The following MCTP2 variants were observed in gnomAD, a reference collection of about 807,000 sequenced individuals.
MCTP2 encodes multiple C2 and transmembrane domain containing 2, also known as multiple C2 and transmembrane domain-containing protein 2.
In MCTP2, 132 loss-of-function variants were observed where a neutral mutation model predicts 111.6. The observed-to-expected ratio is 1.18, with a 90% confidence interval of 1.03 to 1.37. The LOEUF is 1.37. Ranked by LOEUF, MCTP2 falls within the 40% of genes most tolerant of loss-of-function variation. The pLI, the probability that MCTP2 is intolerant of heterozygous loss-of-function variation, is 0.00. For synonymous variants in MCTP2, 395 were observed against 387.7 expected, an observed-to-expected ratio of 1.02 and a Z score of -0.22; for missense variants, 1,183 against 1,067.9, an observed-to-expected ratio of 1.11 and a Z score of -1.50.
chr15:94,476,888 A>G, intron 22 of MCTP2, 95 bp downstream of exon 22: 1 of 736,076 alleles, frequency 1.4e-6, no homozygotes, highest in South Asian at 1.7e-5. Flanking sequence ...TGTGTGAGTA[A>G]TTGAGATAAG....
rs373747400 is a variant in MCTP2 at position 94,339,083 on chromosome 15, G to A, written c.638-207G>A. Among the ~76,000 whole-genome samples, 172 of 152,156 alleles carry A rather than the reference G, an allele frequency of 1.1e-3. 7 individuals carry two copies. The South Asian group carries it at 0.034, about 30-fold the overall frequency. ...AAAGAAAATAAAAATTACTCAAAGA[G>A]CCCATTTATATTCTACCACTAAAGG... On this transcript the variant is annotated intron_variant, in intron 4 of 22. Coordinates refer to ENST00000357742, the MANE Select transcript of MCTP2 (RefSeq NM_001385001.1).
chr15:94,237,822 T>C (rs188196020), intron 1 of MCTP2, among the ~76,000 whole-genome samples: 1 of 152,318 alleles, frequency 6.6e-6, no homozygotes, highest in East Asian at 1.9e-4. Flanking sequence ...GGGCAGCCAC[T>C]GTAAGACTTC....
chr15:94,277,170 C>T (rs2074259441), intron 1 of MCTP2, among the ~76,000 whole-genome samples: 1 of 151,988 alleles, frequency 6.6e-6, no homozygotes, highest in African/African-American at 2.4e-5. Context: ...AATTATAATA[C>T]AATACTAATA....
At chr15:94,330,241 T>A (rs1181556134) in intron 4 of MCTP2, among the ~76,000 whole-genome samples, 1 of 152,204 alleles carries the variant, frequency 6.6e-6, no homozygotes, top group Non-Finnish European at 1.5e-5. Context: ...AATGTTATTC[T>A]TGAATTTTGG....
At chr15:94,233,171 T>A (rs1199331540) in intron 1 of MCTP2, among the ~76,000 whole-genome samples, 1 of 152,162 alleles carries the variant, frequency 6.6e-6, no homozygotes, top group Non-Finnish European at 1.5e-5. Context: ...GTTAAAGTAG[T>A]CCTCAGGAAT....
In MCTP2 at chr15:94,401,930, A is replaced by G. The variant is rs754630541; in HGVS notation, c.1996A>G (p.Arg666Gly). Residue 666 changes from arginine to glycine, a missense_variant, in exon 17 of 23, where the codon AGA becomes GGA. Coordinates refer to ENST00000357742, the MANE Select transcript of MCTP2 (RefSeq NM_001385001.1). The stretch of plus-strand genomic sequence containing the variant: ...ATCAAGAGATGTGGACCGTGTGAAA[A>G]GAATCACTATGGCAATATGGAATAC... ...ILSRDVDRVK[R>G]ITMAIWNTMQ... 5 of 1,612,912 alleles carry G rather than the reference A, an allele frequency of 3.1e-6. No homozygotes were observed. The South Asian group carries it at 5.5e-5, about 18-fold the overall frequency.
intron 17 of MCTP2, among the ~76,000 whole-genome samples, chr15:94,439,867 C>A (rs1283527289): frequency 1.3e-5 from 2 of 152,162 alleles, no homozygotes; most frequent in African/African-American, 2.4e-5. Context: ...TGGTCTCTGG[C>A]CTGCGTCTTT....
chr15:94,402,524 C>T, intron 17 of MCTP2: 1 of 1,551,686 alleles, frequency 6.4e-7, no homozygotes. Flanking sequence ...TGAAATGTAC[C>T]CTTTTCTCTG....
intron 10 of MCTP2, among the ~76,000 whole-genome samples, chr15:94,362,524 C>A (rs753723555): frequency 6.6e-6 from 1 of 152,090 alleles, no homozygotes; most frequent in Non-Finnish European, 1.5e-5. Context: ...TCTGAGGCAG[C>A]GAAAAATCTG....
At chr15:94,411,433 G>T (rs2082147942) in intron 17 of MCTP2, among the ~76,000 whole-genome samples, 1 of 152,250 alleles carries the variant, frequency 6.6e-6, no homozygotes, top group African/African-American at 2.4e-5. Flanking sequence ...CAAGCGGAGG[G>T]CCCTTTTATT....
chr15:94,308,445 C>G (rs1248262915), intron 2 of MCTP2, among the ~76,000 whole-genome samples: 1 of 152,154 alleles, frequency 6.6e-6, no homozygotes, highest in African/African-American at 2.4e-5. Context: ...TCTCCAGGGC[C>G]GAACTCTCCA....
At chr15:94,238,015 T>C (rs1297161281) in intron 1 of MCTP2, among the ~76,000 whole-genome samples, 1 of 152,098 alleles carries the variant, frequency 6.6e-6, no homozygotes, top group Admixed American at 6.6e-5. Flanking sequence ...CAAACCAATG[T>C]ATTTCTTGAA....
At chr15:94,421,276 T>C (rs1455091317) in intron 17 of MCTP2, among the ~76,000 whole-genome samples, 2 of 152,130 alleles carry the variant, frequency 1.3e-5, no homozygotes, top group Non-Finnish European at 2.9e-5. Context: ...ACCCAAAAAA[T>C]TGTGTGACTC....
chr15:94,259,172 G>A (rs2073031626), intron 1 of MCTP2, among the ~76,000 whole-genome samples: 1 of 152,148 alleles, frequency 6.6e-6, no homozygotes, highest in South Asian at 2.1e-4. Context: ...GGGATTGCAG[G>A]ACCTGAATAA....
At chr15:94,424,765 G>C (rs1052169160) in intron 17 of MCTP2, among the ~76,000 whole-genome samples, 1 of 152,088 alleles carries the variant, frequency 6.6e-6, no homozygotes, top group African/African-American at 2.4e-5. Flanking sequence ...TGTGTGAAGG[G>C]GTACTTTGGT....
intron 21 of MCTP2, among the ~76,000 whole-genome samples, chr15:94,475,275 G>A (rs893090569): frequency 8.5e-5 from 13 of 152,162 alleles, no homozygotes; most frequent in Admixed American, 2.6e-4. Context: ...TGACTTGAGG[G>A]AAAGGCGATC....
chr15:94,315,690 G>C, intron 4 of MCTP2, 53 bp downstream of exon 4: 1 of 1,276,894 alleles, frequency 7.8e-7, no homozygotes, highest in Non-Finnish European at 1.1e-6. Flanking sequence ...CTTTCTCTCT[G>C]TCCTTGTATC....
At chr15:94,243,459 G>A (rs1189006382) in intron 1 of MCTP2, among the ~76,000 whole-genome samples, 2 of 143,224 alleles carry the variant, frequency 1.4e-5, no homozygotes, top group South Asian at 2.1e-4. Flanking sequence ...GCGTACATGC[G>A]TATGCGTATA....
At chr15:94,321,901 A>G (rs2076646791) in intron 4 of MCTP2, among the ~76,000 whole-genome samples, 1 of 152,218 alleles carries the variant, frequency 6.6e-6, no homozygotes, top group African/African-American at 2.4e-5. Flanking sequence ...AGTGTTAAGA[A>G]AATCATAAAA....
Sources: gnomAD v4.1 joint callset for allele counts (sites outside exome capture counted in the v4.1 genomes callset) on GRCh38, gnomAD v4.1.1 for gene constraint, MANE v1.5 for transcripts, NCBI Gene and HGNC (gene_info 2026-07-23, HGNC 2026-07-21) for gene names.